CNTNAP2: variants seen among roughly 807,000 people sequenced by gnomAD.
CNTNAP2 encodes contactin-associated protein-like 2.
Under a neutral mutation model 155.2 loss-of-function variants are expected in CNTNAP2, and 98 were observed. The ratio of observed to expected loss-of-function variants is 0.63; its 90% confidence interval spans 0.54 to 0.75. The LOEUF (loss-of-function observed/expected upper bound fraction) is 0.75, where lower values mean the gene tolerates loss of function less well. Ranked by LOEUF, CNTNAP2 falls within the 30% of genes least tolerant of loss-of-function variation. The pLI is 0.00. For synonymous variants in CNTNAP2, 651 were observed against 631.2 expected, an observed-to-expected ratio of 1.03 and a Z score of -0.47; for missense variants, 1,727 against 1,688.1, an observed-to-expected ratio of 1.02 and a Z score of -0.40.
At chr7:147,996,208 G>T (rs79383146) in intron 15 of CNTNAP2, among the ~76,000 whole-genome samples, 3,960 of 152,182 alleles carry the variant, frequency 0.026, 178 homozygotes, top group African/African-American at 0.091. Flanking sequence ...ACTATATATG[G>T]CAAAAATATT....
chr7:147,831,252 G>A (rs901500241), intron 13 of CNTNAP2, among the ~76,000 whole-genome samples: 3 of 152,078 alleles, frequency 2.0e-5, no homozygotes, highest in African/African-American at 7.2e-5. Flanking sequence ...TTCAGTTTAA[G>A]GAAAAACCAT....
intron 21 of CNTNAP2, among the ~76,000 whole-genome samples, chr7:148,380,301 A>G (rs1395674414): frequency 3.3e-5 from 5 of 152,260 alleles, no homozygotes; most frequent in Non-Finnish European, 5.9e-5. Flanking sequence ...ATAAATTCAA[A>G]AAAGTGATAG....
At chr7:147,732,214 T>G (rs1350483117) in intron 13 of CNTNAP2, among the ~76,000 whole-genome samples, 7 of 107,568 alleles carry the variant, frequency 6.5e-5, no homozygotes, top group Admixed American at 1.3e-4. Context: ...CAGGCCCCAG[T>G]GTGTGATGTT....
intron 10 of CNTNAP2, among the ~76,000 whole-genome samples, chr7:147,418,237 T>A (rs1297373863): frequency 6.6e-6 from 1 of 152,186 alleles, no homozygotes; most frequent in East Asian, 1.9e-4. Flanking sequence ...TTCTGGTGGT[T>A]TTTGTTGTTC....
chr7:146,849,138 T>C (rs1341546307), intron 3 of CNTNAP2, among the ~76,000 whole-genome samples: 2 of 152,212 alleles, frequency 1.3e-5, no homozygotes, highest in Non-Finnish European at 2.9e-5. Context: ...GAATCAGTAA[T>C]GCTTAATTTA....
intron 13 of CNTNAP2, among the ~76,000 whole-genome samples, chr7:147,669,338 A>G (rs1795749605): frequency 6.6e-6 from 1 of 152,230 alleles, no homozygotes; most frequent in Non-Finnish European, 1.5e-5. Flanking sequence ...TGAAAATCAT[A>G]TTTCATCAAA....
chr7:146,731,182 T>A (rs1474485962), intron 1 of CNTNAP2, among the ~76,000 whole-genome samples: 2 of 152,018 alleles, frequency 1.3e-5, no homozygotes, highest in African/African-American at 4.8e-5. Flanking sequence ...GTGTCCAGAT[T>A]GTACGAGTGC....
At chr7:147,740,329 AT>A (rs1466537943) in intron 13 of CNTNAP2, among the ~76,000 whole-genome samples, 1 of 152,162 alleles carries the variant, frequency 6.6e-6, no homozygotes, top group African/African-American at 2.4e-5. Flanking sequence ...AAATATTGTC[AT>A]TTTGGAATTG....
chr7:148,046,583 G>A (rs1416767910), intron 15 of CNTNAP2, among the ~76,000 whole-genome samples: 2 of 152,100 alleles, frequency 1.3e-5, no homozygotes, highest in Non-Finnish European at 2.9e-5. Context: ...GACACCCCAA[G>A]CTAGTGTAGG....
rs1037690526 is a variant in CNTNAP2, at chr7:146,263,518, C to T, written c.97+146545C>T. ...ATTCAGCTTTTTCTAACCTCATGGG[C>T]AGATTAGGCCTTACATTTTCAAGTA... On this transcript the variant is annotated intron_variant, in intron 1 of 23. Coordinates refer to ENST00000361727, the MANE Select transcript of CNTNAP2 (RefSeq NM_014141.6). 2.4e-4 allele frequency among the ~76,000 whole-genome samples: 37 copies of T among 152,046 alleles called. 1 individual carries two copies. The highest frequency in any genetic ancestry group is 8.9e-4 in the African/African-American group (37 of 41,398).
intron 1 of CNTNAP2, among the ~76,000 whole-genome samples, chr7:146,470,428 C>G (rs1278776661): frequency 1.3e-5 from 2 of 152,168 alleles, no homozygotes; most frequent in African/African-American, 4.8e-5. Context: ...ACATATGACT[C>G]CCACTACCTG....
At chr7:146,955,603 G>A (rs1038977156) in intron 3 of CNTNAP2, among the ~76,000 whole-genome samples, 9 of 151,916 alleles carry the variant, frequency 5.9e-5, no homozygotes, top group African/African-American at 2.2e-4. Context: ...AATATGATAA[G>A]TTTATCGAAG....
chr7:146,967,191 G>A (rs1209686446), intron 3 of CNTNAP2, among the ~76,000 whole-genome samples: 1 of 152,138 alleles, frequency 6.6e-6, no homozygotes, highest in Non-Finnish European at 1.5e-5. Flanking sequence ...AAGATGTCAG[G>A]TGGAAAATAT....
chr7:147,471,999 A>G, intron 10 of CNTNAP2, among the ~76,000 whole-genome samples: 1 of 152,160 alleles, frequency 6.6e-6, no homozygotes, highest in East Asian at 1.9e-4. Context: ...TTTGAAAAAA[A>G]GAAGCATGTG....
chr7:146,716,583 C>T (rs1231129730), intron 1 of CNTNAP2, among the ~76,000 whole-genome samples: 1 of 152,198 alleles, frequency 6.6e-6, no homozygotes, highest in Non-Finnish European at 1.5e-5. Flanking sequence ...CTATGTTTGA[C>T]ACTCATTGAC....
intron 8 of CNTNAP2, among the ~76,000 whole-genome samples, chr7:147,135,995 A>C (rs1801470031): frequency 6.6e-6 from 1 of 151,698 alleles, no homozygotes; most frequent in Admixed American, 6.6e-5. Context: ...GTAGTAAAAA[A>C]GCATTAATGT....
chr7:147,420,549 G>T (rs1261402808), intron 10 of CNTNAP2, among the ~76,000 whole-genome samples: 1 of 152,112 alleles, frequency 6.6e-6, no homozygotes, highest in African/African-American at 2.4e-5. Flanking sequence ...TACAGCAAAA[G>T]ATCACATTTA....
In CNTNAP2 at chr7:148,385,437, A is replaced by T. The variant is rs116731513; in HGVS notation, c.3715+1549A>T. Among the ~76,000 whole-genome samples the T allele has an allele frequency of 4.2e-3, 640 of 152,316 alleles. 4 individuals are homozygous for T. The highest frequency in any genetic ancestry group is 0.017 in the Middle Eastern group (5 of 294). On this transcript the variant is annotated intron_variant, in intron 22 of 23. Coordinates refer to ENST00000361727, the MANE Select transcript of CNTNAP2 (RefSeq NM_014141.6). ...ATGTCAGGGCCACAGAGGAACAGAG[A>T]TCTCTCAGATAAATTCCTCCAAATG... is the stretch of plus-strand genomic sequence containing the variant.
At chr7:146,586,090 A>C (rs997658896) in intron 1 of CNTNAP2, among the ~76,000 whole-genome samples, 1 of 152,134 alleles carries the variant, frequency 6.6e-6, no homozygotes, top group Non-Finnish European at 1.5e-5. Flanking sequence ...GGTATATTTT[A>C]TTTTGCTTAA....
Sources: gnomAD v4.1 joint callset for allele counts (sites outside exome capture counted in the v4.1 genomes callset) on GRCh38, gnomAD v4.1.1 for gene constraint, MANE v1.5 for transcripts, NCBI Gene and HGNC (gene_info 2026-07-23, HGNC 2026-07-21) for gene names.